ST6GALNAC2: variants seen among roughly 807,000 people sequenced by gnomAD.
ST6GALNAC2 encodes alpha-N-acetylgalactosaminide alpha-2,6-sialyltransferase 2.
A neutral mutation model predicts 38.7 loss-of-function variants in ST6GALNAC2; 42 were observed. That is an observed-to-expected ratio of 1.09 (90% CI 0.85 to 1.40). The LOEUF is 1.40. Among genes scored for constraint, ST6GALNAC2 ranks in the 40% most tolerant of loss-of-function variants. ST6GALNAC2 has a pLI of 0.00. For synonymous variants in ST6GALNAC2, 233 were observed against 209.0 expected (o/e 1.11, Z -0.99); for missense variants, 506 against 481.7 (o/e 1.05, Z -0.47).
At chr17:76,579,237 C>T (rs1327054119) in intron 1 of ST6GALNAC2, among the ~76,000 whole-genome samples, 2 of 152,176 alleles carry the variant, frequency 1.3e-5, no homozygotes, top group African/African-American at 4.8e-5. Context: ...TTATTCTTGC[C>T]ATGTCTTTCT....
In ST6GALNAC2 at chr17:76,573,300, C is replaced by T; in HGVS notation, c.425G>A (p.Arg142Lys). 6.3e-7 allele frequency: 1 copy of T among 1,596,520 alleles called. No individual in the cohort carries two copies. ...CCGGATACACTTTGGAGGGGTGTCC[C>T]TGGGCGGGGCAAACAGCTTGGCACT... ...SESAKLFAPP[R>K]DTPPKCIRCA... is the part of the protein sequence containing the mutation. The change falls in exon 4 of 9, where the codon AGG becomes AAG. Residue 142 changes from arginine (R) to lysine (K), a missense_variant. Coordinates refer to ENST00000225276, the MANE Select transcript of ST6GALNAC2 (RefSeq NM_006456.3). This position sits in a 1 kb window ranked among gnomAD's most constrained non-coding sequence, Gnocchi z 5.1.
intron 7 of ST6GALNAC2, chr17:76,567,847 T>A: frequency 2.9e-6 from 1 of 339,316 alleles, no homozygotes; most frequent in Non-Finnish European, 5.7e-6. Context: ...TTATTTAGCC[T>A]GAGACTGCAG....
chr17:76,577,071 T>TCC, intron 2 of ST6GALNAC2, among the ~76,000 whole-genome samples: 1 of 147,094 alleles, frequency 6.8e-6, no homozygotes, highest in South Asian at 2.2e-4. Flanking sequence ...TTCTTTTTTT[T>TCC]TTTTTTTTTT....
chr17:76,578,313 G>C (rs1019646831), intron 2 of ST6GALNAC2, among the ~76,000 whole-genome samples: 3 of 152,170 alleles, frequency 2.0e-5, no homozygotes, highest in African/African-American at 7.2e-5. Flanking sequence ...CAAAATTAAT[G>C]CTGTCTGTTA....
chr17:76,568,378 G>C (rs1480874593), intron 7 of ST6GALNAC2: 2 of 308,326 alleles, frequency 6.5e-6, no homozygotes, highest in Admixed American at 9.3e-5. Context: ...CTGTGTTTGG[G>C]CCTGAAGGTT....
chr17:76,580,650 G>A (rs556767705), intron 1 of ST6GALNAC2, among the ~76,000 whole-genome samples: 1 of 152,010 alleles, frequency 6.6e-6, no homozygotes, highest in African/African-American at 2.4e-5. Flanking sequence ...AACCTGGGAG[G>A]TGGAGCTCGT....
At position 76,570,630 on chromosome 17, in the gene ST6GALNAC2, G is replaced by A. The variant is rs760562452; in HGVS notation, c.708C>T (p.Asp236=). ...GAATGGCCGATCTCAGCATCACATA[G>A]TCGCGGATGTCTGAGGGGATGAAGA... ...QYIFIPSDIR[D]YVMLRSAILG... is the part of the protein sequence containing the mutation. The change falls in exon 6 of 9, where the codon GAC becomes GAT. Residue 236 remains aspartate (D), a synonymous_variant. Transcript: ENST00000225276. 3 of 1,613,220 alleles carry A rather than the reference G, an allele frequency of 1.9e-6. No individual in the cohort carries two copies. Among genetic ancestry groups the A allele is most frequent in the Non-Finnish European group, 1.7e-6 (2 of 1,179,776 alleles).
intron 3 of ST6GALNAC2, 70 bp downstream of exon 3, chr17:76,574,295 T>C (rs2075387084): frequency 3.2e-6 from 5 of 1,548,450 alleles, no homozygotes; most frequent in Non-Finnish European, 4.4e-6. Context: ...CAGAGAGGCC[T>C]GGCCTACTTC....
Position 76,570,633 on chromosome 17 carries a change from G to A in ST6GALNAC2, c.705C>T (p.Arg235=), listed in dbSNP as rs141795987. ...LQYIFIPSDI[R]DYVMLRSAIL... ...TGGCCGATCTCAGCATCACATAGTC[G>A]CGGATGTCTGAGGGGATGAAGATAT... Residue 235 remains arginine (R), a synonymous_variant, in exon 6 of 9, where the codon CGC becomes CGT. Coordinates refer to ENST00000225276, the MANE Select transcript of ST6GALNAC2 (RefSeq NM_006456.3). 87 of 1,613,118 alleles carry A rather than the reference G, an allele frequency of 5.4e-5. No individual in the cohort carries two copies. The African/African-American group carries it at 9.2e-4, about 17-fold the overall frequency.
intron 1 of ST6GALNAC2, chr17:76,579,043 C>T (rs2075447929): frequency 3.2e-6 from 1 of 309,482 alleles, no homozygotes; most frequent in Admixed American, 4.9e-5. Flanking sequence ...CCTCAGCCTC[C>T]TGAGTAGCTG....
intron 2 of ST6GALNAC2, 92 bp from the exon 3 acceptor site, chr17:76,574,631 AGGGAAGGC>A (rs2075393797): frequency 8.9e-7 from 1 of 1,118,104 alleles, no homozygotes; most frequent in Admixed American, 2.7e-5. Flanking sequence ...GCGAGTTGTG[AGGGAAGGC>A]CTGCCCTGTC....
chr17:76,579,261 G>T (rs2075450387), intron 1 of ST6GALNAC2, among the ~76,000 whole-genome samples: 1 of 152,208 alleles, frequency 6.6e-6, no homozygotes. Flanking sequence ...TAGGCACACA[G>T]GATACTGTCA....
rs367815936 is a variant in ST6GALNAC2 at position 76,566,125 on chromosome 17, G to A, written c.1104C>T (p.Ile368=). The A allele has an allele frequency of 1.9e-5, 30 of 1,613,988 alleles. No individual in the cohort carries two copies. The African/African-American group carries it at 3.5e-4, about 19-fold the overall frequency. Residue 368 remains isoleucine, a synonymous_variant, in exon 9 of 9, where the codon ATC becomes ATT. Coordinates refer to ENST00000225276, the MANE Select transcript of ST6GALNAC2 (RefSeq NM_006456.3). The stretch of plus-strand genomic sequence containing the variant: ...GGGGTCAGCGCTGGTACAGCTGAAG[G>A]ATGCCGGCCTTGTGCAGGTCCCTCC... The part of the protein sequence containing the change: ...ALWRDLHKAG[I]LQLYQR
chr17:76,582,882 C>T (rs10775369), intron 1 of ST6GALNAC2, among the ~76,000 whole-genome samples: 114,633 of 152,024 alleles, frequency 0.75, 43,501 homozygotes, highest in East Asian at 0.84. Flanking sequence ...TGACCTGCCC[C>T]GCATTGGGGT....
rs947480552 is a variant in ST6GALNAC2, at chr17:76,565,688, G to C, written c.*416C>G. The C allele has an allele frequency of 3.7e-5, 6 of 161,346 alleles. No individual in the cohort carries two copies. The highest frequency in any genetic ancestry group is 1.2e-4 in the African/African-American group (5 of 41,542). The allele number at this position is 161,346 out of a possible 1,614,324, so 10.0% of individuals were successfully genotyped here. A position where few individuals can be genotyped will look rare whatever the true frequency, so the allele number is the denominator to read the frequency against. On this transcript the variant is annotated 3_prime_UTR_variant, in exon 9 of 9. Transcript: ENST00000225276. ...GTAAGCCTATCATGTTCTTAGAAAG[G>C]CTCTTAAGAGGTGTCCTGGAGTCCT...
chr17:76,567,736 G>T, intron 7 of ST6GALNAC2, 184 bp from the exon 8 acceptor site: 1 of 529,628 alleles, frequency 1.9e-6, no homozygotes, highest in Non-Finnish European at 3.4e-6. Flanking sequence ...GTTGGGGGAG[G>T]GGGTGGTGAG....
At chr17:76,566,666 G>T (rs1313083512) in intron 8 of ST6GALNAC2, among the ~76,000 whole-genome samples, 1 of 150,140 alleles carries the variant, frequency 6.7e-6, no homozygotes, top group Non-Finnish European at 1.5e-5. Context: ...GACCAGCCTG[G>T]GCAACATGGT....
intron 5 of ST6GALNAC2, 144 bp downstream of exon 5, chr17:76,572,493 T>C (rs2075363200): frequency 1.1e-6 from 1 of 942,114 alleles, no homozygotes; most frequent in African/African-American, 1.6e-5. Context: ...TCACCTTCAG[T>C]GGCTGTATCT....
chr17:76,584,165 A>G (rs895974941), intron 1 of ST6GALNAC2, among the ~76,000 whole-genome samples: 10 of 148,422 alleles, frequency 6.7e-5, no homozygotes, highest in Non-Finnish European at 3.0e-5. Context: ...TAATCAAACC[A>G]GCTAATTAGC....
Sources: gnomAD v4.1 joint callset for allele counts (sites outside exome capture counted in the v4.1 genomes callset) on GRCh38, gnomAD v4.1.1 for gene constraint, Gnocchi (gnomAD v3.1) non-coding constraint, MANE v1.5 for transcripts, NCBI Gene and HGNC (gene_info 2026-07-23, HGNC 2026-07-21) for gene names.